The following IPMK variants were observed in gnomAD, a reference collection of about 807,000 sequenced individuals.
IPMK encodes the protein inositol polyphosphate multikinase.
In IPMK, 17 loss-of-function variants were observed where a neutral mutation model predicts 45.8. The ratio of observed to expected loss-of-function variants is 0.37; its 90% CI spans 0.25 to 0.56. IPMK has a LOEUF of 0.56. Ranked by LOEUF, IPMK falls within the 20% of genes least tolerant of loss-of-function variation. The pLI, the probability that IPMK is intolerant of heterozygous loss-of-function variation, is 0.79. For synonymous variants in IPMK, 180 were observed against 184.3 expected (o/e 0.98, Z 0.19); for missense variants, 399 against 498.0 (o/e 0.80, Z 1.89).
At chr10:58,218,105 G>A (rs1838276415) in intron 3 of IPMK, among the ~76,000 whole-genome samples, 1 of 152,204 alleles carries the variant, frequency 6.6e-6, no homozygotes, top group African/African-American at 2.4e-5. Flanking sequence ...TTATAACTCT[G>A]TAGAACTAAG....
intron 2 of IPMK, among the ~76,000 whole-genome samples, chr10:58,231,876 G>C (rs9416680): frequency 0.34 from 51,091 of 151,624 alleles, 10,769 homozygotes; most frequent in African/African-American, 0.61. Flanking sequence ...AAAAGACACA[G>C]ACTGGCAAAT....
chr10:58,229,275 G>T (rs549211085), intron 2 of IPMK, among the ~76,000 whole-genome samples: 2 of 152,068 alleles, frequency 1.3e-5, no homozygotes, highest in East Asian at 3.9e-4. Context: ...AATAATCTAG[G>T]CCAGGCATGG....
At chr10:58,244,384 C>T (rs1294347363) in intron 1 of IPMK, among the ~76,000 whole-genome samples, 2 of 115,096 alleles carry the variant, frequency 1.7e-5, no homozygotes, top group Non-Finnish European at 3.4e-5. Context: ...GTGCCTCTGC[C>T]CGGCCGCTCC....
chr10:58,223,165 A>T (rs1029706404), intron 3 of IPMK, among the ~76,000 whole-genome samples: 1 of 152,222 alleles, frequency 6.6e-6, no homozygotes, highest in African/African-American at 2.4e-5. Context: ...AAAAATTTAA[A>T]AATAAAGATT....
intron 1 of IPMK, among the ~76,000 whole-genome samples, chr10:58,263,703 C>T (rs1007681304): frequency 9.9e-5 from 15 of 151,958 alleles, no homozygotes; most frequent in African/African-American, 3.1e-4. Flanking sequence ...ACAAACAAAA[C>T]GATATACTGA....
intron 4 of IPMK, among the ~76,000 whole-genome samples, chr10:58,201,041 A>C (rs991231096): frequency 2.6e-5 from 4 of 152,250 alleles, no homozygotes; most frequent in Non-Finnish European, 5.9e-5. Flanking sequence ...TGATGAACAA[A>C]GGACATGTTT....
At chr10:58,207,826 G>T (rs751882189) in intron 4 of IPMK, among the ~76,000 whole-genome samples, 83 of 152,286 alleles carry the variant, frequency 5.5e-4, no homozygotes, top group Admixed American at 2.5e-3. Context: ...GGCCAGAGAA[G>T]TTTTCCGTAA....
chr10:58,209,500 T>C (rs1343027981), intron 4 of IPMK, among the ~76,000 whole-genome samples: 1 of 152,200 alleles, frequency 6.6e-6, no homozygotes, highest in Non-Finnish European at 1.5e-5. Flanking sequence ...AGAGCCAGAC[T>C]GTAGTGATCG....
intron 1 of IPMK, among the ~76,000 whole-genome samples, chr10:58,265,809 A>G (rs1839139085): frequency 6.6e-6 from 1 of 152,220 alleles, no homozygotes; most frequent in African/African-American, 2.4e-5. Context: ...GAATGGGATC[A>G]CTATTACATA....
chr10:58,210,833 T>C (rs1838147792), intron 4 of IPMK, among the ~76,000 whole-genome samples: 5 of 152,220 alleles, frequency 3.3e-5, no homozygotes, highest in Admixed American at 3.3e-4. Flanking sequence ...GCAGTGATCC[T>C]TTCAAAAGAT....
intron 1 of IPMK, among the ~76,000 whole-genome samples, chr10:58,249,955 T>C (rs1342473989): frequency 6.6e-6 from 1 of 152,210 alleles, no homozygotes. Context: ...CCTTCCCCAA[T>C]GTATGTGGCT....
At chr10:58,237,855 T>C (rs767242744) in intron 1 of IPMK, 41 bp from the exon 2 acceptor site, 1 of 1,389,424 alleles carries the variant, frequency 7.2e-7, no homozygotes, top group Non-Finnish European at 1.0e-6. Flanking sequence ...GCTTTAATAA[T>C]AGTAAACCTT....
At chr10:58,255,106 C>A (rs1308941757) in intron 1 of IPMK, among the ~76,000 whole-genome samples, 1 of 152,242 alleles carries the variant, frequency 6.6e-6, no homozygotes, top group Non-Finnish European at 1.5e-5. Context: ...GGCTATCCCA[C>A]AGACTGTCCC....
intron 1 of IPMK, among the ~76,000 whole-genome samples, chr10:58,252,456 G>A (rs1459337221): frequency 7.3e-6 from 1 of 137,784 alleles, no homozygotes; most frequent in African/African-American, 2.8e-5. Context: ...TTTTTTTTAA[G>A]GTTTACTTTT....
chr10:58,248,660 T>A (rs1838838865), intron 1 of IPMK, among the ~76,000 whole-genome samples: 1 of 152,200 alleles, frequency 6.6e-6, no homozygotes. Flanking sequence ...CTAAGTGTAT[T>A]TTTGCACCCG....
At chr10:58,244,547 C>T (rs887477037) in intron 1 of IPMK, among the ~76,000 whole-genome samples, 13 of 151,992 alleles carry the variant, frequency 8.6e-5, no homozygotes, top group Non-Finnish European at 5.9e-5. Flanking sequence ...GAAGAGACAG[C>T]GACCATCAAG....
intron 4 of IPMK, among the ~76,000 whole-genome samples, chr10:58,203,528 C>A (rs1414237605): frequency 5.3e-5 from 8 of 150,166 alleles, no homozygotes; most frequent in Admixed American, 2.0e-4. Context: ...GTTGCCCAGG[C>A]TGTTCTCAAA....
chr10:58,250,326 TTG>T (rs1838863431), intron 1 of IPMK, among the ~76,000 whole-genome samples: 2 of 152,322 alleles, frequency 1.3e-5, no homozygotes, highest in Admixed American at 6.5e-5. Flanking sequence ...TCTTTTCATA[TTG>T]TGTGTCTTCT....
At chr10:58,254,457 T>C (rs1838933696) in intron 1 of IPMK, among the ~76,000 whole-genome samples, 1 of 152,026 alleles carries the variant, frequency 6.6e-6, no homozygotes, top group African/African-American at 2.4e-5. Context: ...TTCATTTAGA[T>C]TTCTATCCAT....
Sources: gnomAD v4.1 joint callset for allele counts (sites outside exome capture counted in the v4.1 genomes callset) on GRCh38, gnomAD v4.1.1 for gene constraint, MANE v1.5 for transcripts, NCBI Gene and HGNC (gene_info 2026-07-23, HGNC 2026-07-21) for gene names.